Variants in ST8SIA6 observed in about 807,000 individuals in gnomAD.
ST8SIA6 encodes alpha-2,8-sialyltransferase 8F.
A neutral mutation model predicts 33.6 loss-of-function variants in ST8SIA6; 39 were observed. The ratio of observed to expected loss-of-function variants is 1.16; its 90% confidence interval spans 0.90 to 1.52. The LOEUF (loss-of-function observed/expected upper bound fraction) is 1.52, where lower values mean the gene tolerates loss of function less well. Among genes scored for constraint, ST8SIA6 ranks in the 40% most tolerant of loss-of-function variants. The pLI, the probability that ST8SIA6 is intolerant of heterozygous loss-of-function variation, is 0.00. For missense variants in ST8SIA6, 441 were observed against 443.8 expected (o/e 0.99, Z 0.06); for synonymous variants, 172 against 167.2 (o/e 1.03, Z -0.22).
intron 3 of ST8SIA6, among the ~76,000 whole-genome samples, chr10:17,374,752 A>AATAAAATATATATAT (rs1849849725): frequency 2.4e-5 from 3 of 123,308 alleles, no homozygotes; most frequent in African/African-American, 6.2e-5. Flanking sequence ...ATAAATAATA[A>AATAAAATATATATAT]ATATATATAT....
chr10:17,419,784 GT>G (rs1314940287), intron 2 of ST8SIA6, among the ~76,000 whole-genome samples: 3 of 152,134 alleles, frequency 2.0e-5, no homozygotes, highest in Non-Finnish European at 4.4e-5. Flanking sequence ...AACATTGGAG[GT>G]TCTTGTATCC....
chr10:17,376,365 C>T (rs924772304), intron 3 of ST8SIA6, among the ~76,000 whole-genome samples: 7 of 144,462 alleles, frequency 4.8e-5, no homozygotes, highest in African/African-American at 1.8e-4. Flanking sequence ...AAATTTTGTG[C>T]TCAGACTTCC....
chr10:17,379,990 T>C (rs563823361), intron 3 of ST8SIA6, among the ~76,000 whole-genome samples: 6 of 152,134 alleles, frequency 3.9e-5, no homozygotes, highest in Non-Finnish European at 8.8e-5. Flanking sequence ...CTCAAACCAA[T>C]AGGACAATTT....
chr10:17,377,872 C>T (rs888552810), intron 3 of ST8SIA6, among the ~76,000 whole-genome samples: 2 of 152,170 alleles, frequency 1.3e-5, no homozygotes, highest in African/African-American at 4.8e-5. Flanking sequence ...TGGCTTTCCC[C>T]GTTGTGCTCC....
At chr10:17,381,296 T>G (rs1263173817) in intron 3 of ST8SIA6, among the ~76,000 whole-genome samples, 2 of 152,270 alleles carry the variant, frequency 1.3e-5, no homozygotes, top group African/African-American at 4.8e-5. Flanking sequence ...GACAACTACC[T>G]AGGGTTGTAA....
chr10:17,320,838 T>C lies in ST8SIA6; in HGVS notation c.*40A>G, dbSNP rs768956026. The C allele has an allele frequency of 6.3e-7, 1 of 1,586,492 alleles. No individual in the cohort carries two copies. Among genetic ancestry groups the C allele is most frequent in the Admixed American group, 1.7e-5 (1 of 59,540 alleles). Reference sequence around the variant, plus strand: ...TTTGGAGACATTGTTAATCACCTACTGCATTATATTAAAATTATTCCCATT... The same window carrying C: ...TTTGGAGACATTGTTAATCACCTACCGCATTATATTAAAATTATTCCCATT... On this transcript the variant is annotated 3_prime_UTR_variant, in exon 8 of 8. Coordinates refer to ENST00000377602, the MANE Select transcript of ST8SIA6 (RefSeq NM_001004470.3).
intron 2 of ST8SIA6, among the ~76,000 whole-genome samples, chr10:17,437,666 T>C (rs1219401049): frequency 1.1e-4 from 14 of 122,752 alleles, no homozygotes; most frequent in African/African-American, 1.9e-4. Flanking sequence ...TCCTTCCTTC[T>C]GTCTCTCTTT....
chr10:17,450,321 G>A (rs1001008753), intron 2 of ST8SIA6, among the ~76,000 whole-genome samples: 1 of 152,186 alleles, frequency 6.6e-6, no homozygotes, highest in African/African-American at 2.4e-5. Context: ...CCTGGACACC[G>A]GATGGAAAAG....
rs750079544 is a variant in ST8SIA6 at position 17,453,552 on chromosome 10, G to A, written c.200+7C>T. 7.6e-7 allele frequency: 1 copy of A among 1,313,180 alleles called. No homozygotes were observed. Among genetic ancestry groups the A allele is most frequent in the Non-Finnish European group, 9.8e-7 (1 of 1,023,236 alleles). 81.3% of individuals were successfully genotyped at this position (1,313,180 alleles called of 1,614,324 possible). A position where few individuals can be genotyped will look rare whatever the true frequency, so the allele number is the denominator to read the frequency against. ...CCCCAGTCCGCCCGCGCTGGGCGCC[G>A]CTGTACCTGTTAGTGGCGCGCGGTA... On this transcript the variant is annotated splice_region_variant and intron_variant, in intron 2 of 7. Coordinates refer to ENST00000377602, the MANE Select transcript of ST8SIA6 (RefSeq NM_001004470.3).
intron 4 of ST8SIA6, among the ~76,000 whole-genome samples, chr10:17,350,345 A>C (rs554361012): frequency 6.6e-6 from 1 of 152,110 alleles, no homozygotes; most frequent in East Asian, 1.9e-4. Context: ...GCATGCTGAC[A>C]TACTGTGATT....
At chr10:17,447,024 CAA>C (rs566049678) in intron 2 of ST8SIA6, among the ~76,000 whole-genome samples, 12 of 63,336 alleles carry the variant, frequency 1.9e-4, no homozygotes, top group Admixed American at 5.7e-4. Flanking sequence ...GACTCTGTCT[CAA>C]AAAAAAAAAA....
At chr10:17,342,702 G>T (rs1008297427) in intron 4 of ST8SIA6, among the ~76,000 whole-genome samples, 4 of 152,172 alleles carry the variant, frequency 2.6e-5, no homozygotes, top group African/African-American at 9.7e-5. Flanking sequence ...TCTAATCCCA[G>T]CACTTTAGGA....
chr10:17,444,230 C>T (rs185140565), intron 2 of ST8SIA6, among the ~76,000 whole-genome samples: 4 of 152,140 alleles, frequency 2.6e-5, no homozygotes, highest in East Asian at 1.9e-4. Context: ...GACCAGACAA[C>T]GCTACCCAAC....
intron 3 of ST8SIA6, among the ~76,000 whole-genome samples, chr10:17,372,162 A>T (rs1393209836): frequency 6.6e-6 from 1 of 152,248 alleles, no homozygotes; most frequent in African/African-American, 2.4e-5. Context: ...GCCATCAGCC[A>T]GGATCTTACC....
chr10:17,427,211 C>G (rs1851966770), intron 2 of ST8SIA6, among the ~76,000 whole-genome samples: 2 of 152,130 alleles, frequency 1.3e-5, no homozygotes, highest in South Asian at 4.1e-4. Flanking sequence ...CTGCTAATAC[C>G]TCCAGCATTG....
chr10:17,414,322 A>G (rs964875746), intron 2 of ST8SIA6, among the ~76,000 whole-genome samples: 2 of 152,054 alleles, frequency 1.3e-5, no homozygotes, highest in African/African-American at 4.8e-5. Context: ...TCCTCTTTCA[A>G]AATTGTTATT....
At chr10:17,363,333 T>A (rs551709857) in intron 3 of ST8SIA6, among the ~76,000 whole-genome samples, 23 of 152,274 alleles carry the variant, frequency 1.5e-4, no homozygotes, top group Non-Finnish European at 2.5e-4. Flanking sequence ...TACCCCCTTT[T>A]TCCATGAGTA....
intron 2 of ST8SIA6, among the ~76,000 whole-genome samples, chr10:17,425,616 A>G (rs140091055): frequency 5.7e-5 from 8 of 139,320 alleles, no homozygotes; most frequent in African/African-American, 1.9e-4. Context: ...AGAAAGAGAA[A>G]GGAAGAAAGA....
At chr10:17,407,083 C>G (rs182194045) in intron 2 of ST8SIA6, among the ~76,000 whole-genome samples, 1 of 152,250 alleles carries the variant, frequency 6.6e-6, no homozygotes, top group Admixed American at 6.5e-5. Context: ...TGAACCACCA[C>G]GTCCGGCTAC....
Sources: allele counts gnomAD v4.1 joint callset (sites outside exome capture counted in the v4.1 genomes callset), GRCh38; gene constraint gnomAD v4.1.1; transcripts MANE v1.5; gene names NCBI Gene and HGNC (gene_info 2026-07-23, HGNC 2026-07-21).